The following DLGAP2 variants were observed in gnomAD, a reference collection of about 807,000 sequenced individuals.
The protein encoded by DLGAP2 is disks large-associated protein 2.
Under a neutral mutation model 100.3 loss-of-function variants are expected in DLGAP2, and 26 were observed. The observed-to-expected ratio is 0.26, with a 90% CI of 0.19 to 0.36. The LOEUF (loss-of-function observed/expected upper bound fraction) is 0.36. DLGAP2 is among the 10% of genes least tolerant of loss of function. The probability of loss-of-function intolerance (pLI) is 1.00; values close to 1 mark genes in which losing one functional copy is unlikely to be tolerated. For synonymous variants in DLGAP2, 886 were observed against 630.1 expected (o/e 1.41, Z -6.08); for missense variants, 1,858 against 1,453.2 (o/e 1.28, Z -4.53).
intron 2 of DLGAP2, among the ~76,000 whole-genome samples, chr8:1,192,145 C>G (rs954690401): frequency 6.6e-6 from 1 of 152,094 alleles, no homozygotes; most frequent in African/African-American, 2.4e-5. Context: ...AACTGGCTGC[C>G]GTGATGGGCT....
At chr8:1,532,208 T>C (rs960805165) in intron 4 of DLGAP2, among the ~76,000 whole-genome samples, 6 of 152,208 alleles carry the variant, frequency 3.9e-5, no homozygotes, top group African/African-American at 9.7e-5. Context: ...CTTAGTGATA[T>C]TGGGGCCCAA....
Position 1,070,918 on chromosome 8 carries a change from C to G in DLGAP2, c.73+162952C>G, listed in dbSNP as rs377074663. On this transcript the variant is annotated intron_variant, in intron 2 of 14. Transcript: ENST00000637795. ...CACTGAGCACCGTTGGCTCCAGGAT[C>G]AGGAGGCAGAGGGGAAGCCCCTGGA... Among the ~76,000 whole-genome samples the G allele has an allele frequency of 2.0e-5, 3 of 152,232 alleles. No individual in the cohort carries two copies. In the East Asian group the frequency reaches 5.8e-4, roughly 29 times the overall value.
intron 1 of DLGAP2, among the ~76,000 whole-genome samples, chr8:816,247 C>T (rs1178000316): frequency 1.3e-5 from 2 of 148,200 alleles, no homozygotes; most frequent in South Asian, 2.1e-4. Context: ...TTCCATTCAT[C>T]ATGCTATTTG....
At chr8:747,263 A>G (rs1412093907) in intron 1 of DLGAP2, among the ~76,000 whole-genome samples, 4 of 152,090 alleles carry the variant, frequency 2.6e-5, no homozygotes, top group African/African-American at 9.7e-5. Context: ...TTACGTTTTC[A>G]TTCAGTAAAA....
intron 1 of DLGAP2, among the ~76,000 whole-genome samples, chr8:856,187 T>TCTTCTTCTTCTTCTTC (rs1554433991): frequency 9.7e-5 from 5 of 51,588 alleles, no homozygotes; most frequent in African/African-American, 2.8e-4. Flanking sequence ...TTCTTCTTCT[T>TCTTCTTCTTCTTCTTC]TTTTTTTTTT....
intron 2 of DLGAP2, among the ~76,000 whole-genome samples, chr8:968,899 AC>A (rs1430820084): frequency 2.0e-5 from 3 of 152,164 alleles, no homozygotes; most frequent in Non-Finnish European, 4.4e-5. Context: ...TCAAAGTTGA[AC>A]TAAAAGACAT....
intron 3 of DLGAP2, among the ~76,000 whole-genome samples, chr8:1,495,014 C>T (rs146477317): frequency 1.3e-5 from 2 of 152,306 alleles, no homozygotes; most frequent in African/African-American, 4.8e-5. Context: ...CCTTTAAATC[C>T]TCATACGTGC....
chr8:1,137,722 A>C (rs1796447390), intron 2 of DLGAP2: 1 of 152,198 alleles, frequency 6.6e-6, no homozygotes, highest in African/African-American at 2.4e-5. Context: ...AACTTCCCTA[A>C]TCAAATATTT....
intron 3 of DLGAP2, among the ~76,000 whole-genome samples, chr8:1,475,832 CA>C: frequency 6.6e-6 from 1 of 152,252 alleles, no homozygotes; most frequent in East Asian, 1.9e-4. Flanking sequence ...TCTTTGTAAC[CA>C]AATGGAAAGG....
rs556393278 is a variant in DLGAP2, at chr8:1,024,556, C to T, written c.73+116590C>T. Among the ~76,000 whole-genome samples, 24 of 152,280 alleles carry T rather than the reference C, an allele frequency of 1.6e-4. No individual in the cohort carries two copies. The East Asian group carries it at 3.1e-3, about 20-fold the overall frequency. On this transcript the variant is annotated intron_variant, in intron 2 of 14. Transcript: ENST00000637795. Reference sequence around the variant, plus strand: ...AGCAGCTTGGGGGCGGCTCTTCCCCCGCTGTGCCCTCTGTGGTGGGGGTGC... The same window carrying T: ...AGCAGCTTGGGGGCGGCTCTTCCCCTGCTGTGCCCTCTGTGGTGGGGGTGC...
intron 1 of DLGAP2, among the ~76,000 whole-genome samples, chr8:883,835 C>A (rs919167963): frequency 6.6e-6 from 1 of 152,212 alleles, no homozygotes; most frequent in Non-Finnish European, 1.5e-5. Context: ...GTTCCCCTCT[C>A]TGTGTCATTG....
chr8:1,371,896 C>T (rs1355640636), intron 3 of DLGAP2, among the ~76,000 whole-genome samples: 4 of 152,214 alleles, frequency 2.6e-5, no homozygotes, highest in Non-Finnish European at 4.4e-5. Flanking sequence ...CACAGATCAG[C>T]GACAGAGTGC....
intron 2 of DLGAP2, among the ~76,000 whole-genome samples, chr8:1,135,556 G>A (rs948992113): frequency 8.8e-6 from 1 of 113,726 alleles, no homozygotes; most frequent in African/African-American, 3.3e-5. Flanking sequence ...GCTAGACTCT[G>A]AAAAGGGGCA....
intron 6 of DLGAP2, among the ~76,000 whole-genome samples, chr8:1,571,213 G>GA: frequency 7.1e-6 from 1 of 141,450 alleles, no homozygotes; most frequent in Non-Finnish European, 1.5e-5. Context: ...GAGGGGAGAG[G>GA]GTGAACTCTG....
chr8:1,410,798 C>A (rs952012804), intron 3 of DLGAP2, among the ~76,000 whole-genome samples: 1 of 151,324 alleles, frequency 6.6e-6, no homozygotes, highest in Non-Finnish European at 1.5e-5. Flanking sequence ...GGCCACCTTT[C>A]CCTGTGGGAA....
chr8:1,308,860 C>T lies in DLGAP2; in HGVS notation c.106+49977C>T, dbSNP rs114646573. Reference sequence around the variant, plus strand: ...TTTTTTAAAATTTTCTTAAATATGCCCCAAAACTAAAGAACACTGGGAAAC... The same window carrying T: ...TTTTTTAAAATTTTCTTAAATATGCTCCAAAACTAAAGAACACTGGGAAAC... On this transcript the variant is annotated intron_variant, in intron 3 of 14. Transcript: ENST00000637795. Among the ~76,000 whole-genome samples, 488 of 152,006 alleles carry T rather than the reference C, an allele frequency of 3.2e-3. 1 individual carries two copies. The highest frequency in any genetic ancestry group is 0.011 in the African/African-American group (467 of 41,444).
intron 2 of DLGAP2, among the ~76,000 whole-genome samples, chr8:1,257,991 C>T (rs575941826): frequency 6.6e-6 from 1 of 152,352 alleles, no homozygotes; most frequent in South Asian, 2.1e-4. Flanking sequence ...ACCTTGCACT[C>T]GTGTGTCTGT....
intron 3 of DLGAP2, among the ~76,000 whole-genome samples, chr8:1,293,661 C>T (rs1554436032): frequency 6.6e-6 from 1 of 152,202 alleles, no homozygotes; most frequent in Non-Finnish European, 1.5e-5. Context: ...CCTGCTGTCT[C>T]TAGAATTTCT....
chr8:1,350,260 ATGTGTGGAACGGCCGTGCGGGTCCTGAGC>A (rs1801681659), intron 3 of DLGAP2, among the ~76,000 whole-genome samples: 20 of 24,180 alleles, frequency 8.3e-4, no homozygotes, highest in Admixed American at 4.6e-3. Flanking sequence ...GGTCCTGAGC[ATGTGTGGAACGGCCGTGCGGGTCCTGAGC>A]GTGCGTGGAA....
Sources: gnomAD v4.1 joint callset for allele counts (sites outside exome capture counted in the v4.1 genomes callset) on GRCh38, gnomAD v4.1.1 for gene constraint, MANE v1.5 for transcripts, NCBI Gene and HGNC (gene_info 2026-07-23, HGNC 2026-07-21) for gene names.